Variants in MSRB3 observed in about 807,000 individuals in gnomAD.
MSRB3 encodes the protein methionine-R-sulfoxide reductase B3.
In MSRB3, 13 loss-of-function variants were observed where a neutral mutation model predicts 21.0. That is an observed-to-expected ratio of 0.62 (90% confidence interval 0.40 to 0.98). The LOEUF is 0.98. Ranked by LOEUF, MSRB3 falls within the 50% of genes least tolerant of loss-of-function variation. The pLI is 0.00. For synonymous variants in MSRB3, 87 were observed against 88.6 expected, an observed-to-expected ratio of 0.98 and a Z score of 0.10; for missense variants, 199 against 230.3, an observed-to-expected ratio of 0.86 and a Z score of 0.88.
At chr12:65,438,114 A>G (rs1415872133) in intron 5 of MSRB3, among the ~76,000 whole-genome samples, 1 of 151,884 alleles carries the variant, frequency 6.6e-6, no homozygotes, top group Non-Finnish European at 1.5e-5. Context: ...TATTTGTGTT[A>G]TTTATTTCTT....
intron 4 of MSRB3, among the ~76,000 whole-genome samples, chr12:65,341,660 G>A (rs1365522254): frequency 6.6e-6 from 1 of 151,410 alleles, no homozygotes; most frequent in Non-Finnish European, 1.5e-5. Context: ...AATATCTTAG[G>A]TAACCCATAA....
At chr12:65,334,292 T>C (rs1406158872) in intron 4 of MSRB3, among the ~76,000 whole-genome samples, 4 of 152,236 alleles carry the variant, frequency 2.6e-5, no homozygotes, top group Non-Finnish European at 5.9e-5. Flanking sequence ...GCTTCATATA[T>C]GTGAACTCAT....
At chr12:65,410,589 A>G (rs1880664686) in intron 5 of MSRB3, among the ~76,000 whole-genome samples, 1 of 152,142 alleles carries the variant, frequency 6.6e-6, no homozygotes, top group Non-Finnish European at 1.5e-5. Context: ...GGCTGCAGTG[A>G]GCTAAGATCG....
At chr12:65,306,119 G>A (rs575780674) in intron 1 of MSRB3, among the ~76,000 whole-genome samples, 2 of 152,056 alleles carry the variant, frequency 1.3e-5, no homozygotes, top group South Asian at 4.2e-4. Context: ...AAACCCAGAT[G>A]GTCTGTGTTC....
chr12:65,368,065 A>G (rs1816686640), intron 4 of MSRB3, among the ~76,000 whole-genome samples: 1 of 152,084 alleles, frequency 6.6e-6, no homozygotes, highest in Admixed American at 6.6e-5. Flanking sequence ...CTTGAGGCTA[A>G]TTTAGGTACA....
intron 1 of MSRB3, chr12:65,306,833 A>G (rs1030807142): frequency 4.1e-6 from 4 of 985,636 alleles, no homozygotes; most frequent in Admixed American, 6.1e-5. Flanking sequence ...TAATTGTAGA[A>G]TGCATCTTTG....
rs181217562 is a variant in MSRB3, at chr12:65,282,803, C to T, written c.-52+3938C>T. ...GATCCTAAATTCCTGGGAGGTAGAACCTGATAGACACAGTTTAGGTCACAT... is the reference window on the plus strand; with the variant it reads ...GATCCTAAATTCCTGGGAGGTAGAATCTGATAGACACAGTTTAGGTCACAT... On this transcript the variant is annotated intron_variant, in intron 1 of 6. Coordinates refer to ENST00000308259, the MANE Select transcript of MSRB3 (RefSeq NM_001031679.3). Among the ~76,000 whole-genome samples, 5 of 151,378 alleles carry T rather than the reference C, an allele frequency of 3.3e-5. No individual in the cohort carries two copies. The East Asian group carries it at 7.9e-4, about 24-fold the overall frequency.
chr12:65,424,936 T>C (rs1208465399), intron 5 of MSRB3, among the ~76,000 whole-genome samples: 1 of 71,724 alleles, frequency 1.4e-5, no homozygotes, highest in Non-Finnish European at 3.5e-5. Flanking sequence ...TATTCTATTA[T>C]AGTCTATCTC....
chr12:65,411,663 A>C (rs1307520418), intron 5 of MSRB3, among the ~76,000 whole-genome samples: 1 of 151,714 alleles, frequency 6.6e-6, no homozygotes, highest in Non-Finnish European at 1.5e-5. Flanking sequence ...TTGATGAAAT[A>C]GAAGTAAGAT....
rs963427280 is a variant in MSRB3, at chr12:65,314,720, C to T, written c.76+6065C>T. On this transcript the variant is annotated intron_variant, in intron 2 of 6. Coordinates refer to ENST00000308259, the MANE Select transcript of MSRB3 (RefSeq NM_001031679.3). ...ACCTTAAGAATTATAAAATACATAA[C>T]ACCTAGTAACAAGAGAGTTTAAATA... Among the ~76,000 whole-genome samples, 31 of 152,012 alleles carry T rather than the reference C, an allele frequency of 2.0e-4. 1 individual carries two copies. In the East Asian group the frequency reaches 6.0e-3, roughly 29 times the overall value.
Position 65,398,699 on chromosome 12 carries a change from G to T in MSRB3, c.292+29673G>T, listed in dbSNP as rs1879950159. 2.6e-5 allele frequency among the ~76,000 whole-genome samples: 4 copies of T among 152,214 alleles called. No homozygotes were observed. In the South Asian group the frequency reaches 6.2e-4, roughly 24 times the overall value. ...TCTTTGCCCATGAGTATGTCTGAATGGTATTGCCTAGATTTCCTTCTAGTG... is the reference window on the plus strand; with the variant it reads ...TCTTTGCCCATGAGTATGTCTGAATTGTATTGCCTAGATTTCCTTCTAGTG... On this transcript the variant is annotated intron_variant, in intron 5 of 6. Coordinates refer to ENST00000308259, the MANE Select transcript of MSRB3 (RefSeq NM_001031679.3).
intron 1 of MSRB3, among the ~76,000 whole-genome samples, chr12:65,304,584 T>G (rs1028324909): frequency 1.3e-5 from 2 of 152,176 alleles, no homozygotes; most frequent in African/African-American, 2.4e-5. Flanking sequence ...TATCTGTAAA[T>G]GTCATTCATC....
intron 5 of MSRB3, among the ~76,000 whole-genome samples, chr12:65,382,672 T>G (rs1369485381): frequency 1.3e-5 from 2 of 152,006 alleles, no homozygotes; most frequent in East Asian, 3.8e-4. Flanking sequence ...GATATGTGGC[T>G]TTTACTGATT....
rs550986463 is a variant in MSRB3 at position 65,466,239 on chromosome 12, G to T, written c.*2917G>T. 13 of 152,282 alleles carry T rather than the reference G, an allele frequency of 8.5e-5. No individual in the cohort carries two copies. The East Asian group carries it at 2.5e-3, about 29-fold the overall frequency. The allele number at this position is 152,282 out of a possible 1,614,324, so 9.4% of individuals were successfully genotyped here. A position where few individuals can be genotyped will look rare whatever the true frequency, so the allele number is the denominator to read the frequency against. On this transcript the variant is annotated 3_prime_UTR_variant, in exon 7 of 7. Transcript: ENST00000308259. ...TCTATTGAAAAAAAGTGGGGTGTAT[G>T]CATGTGGTTTAATTCCAGATTGCTT...
chr12:65,328,280 G>C (rs1449397124), intron 3 of MSRB3, among the ~76,000 whole-genome samples: 4 of 151,250 alleles, frequency 2.6e-5, no homozygotes, highest in Non-Finnish European at 4.4e-5. Flanking sequence ...CTTTTTCTAA[G>C]CATTACATAA....
At chr12:65,396,756 A>C (rs912696133) in intron 5 of MSRB3, among the ~76,000 whole-genome samples, 3 of 139,470 alleles carry the variant, frequency 2.2e-5, no homozygotes, top group African/African-American at 8.8e-5. Context: ...AAGAAAGAAA[A>C]CCCAGCAAAG....
intron 6 of MSRB3, among the ~76,000 whole-genome samples, chr12:65,462,724 T>C (rs1264949393): frequency 2.6e-5 from 4 of 152,220 alleles, no homozygotes; most frequent in African/African-American, 7.2e-5. Context: ...ACCTCTGTCA[T>C]GGCCAGTTAA....
intron 2 of MSRB3, among the ~76,000 whole-genome samples, chr12:65,323,995 T>A (rs1041791940): frequency 3.3e-5 from 5 of 152,200 alleles, no homozygotes; most frequent in African/African-American, 9.7e-5. Flanking sequence ...CTTTTGGTAT[T>A]AGATATACTT....
chr12:65,455,423 A>T (rs1408494078), intron 6 of MSRB3, among the ~76,000 whole-genome samples: 1 of 152,210 alleles, frequency 6.6e-6, no homozygotes, highest in Non-Finnish European at 1.5e-5. Flanking sequence ...TCACCCACAG[A>T]GGGTCTAATG....
Sources: allele counts gnomAD v4.1 joint callset (sites outside exome capture counted in the v4.1 genomes callset), GRCh38; gene constraint gnomAD v4.1.1; transcripts MANE v1.5; gene names NCBI Gene and HGNC (gene_info 2026-07-23, HGNC 2026-07-21).